Variants in ADAMTS16 observed in about 807,000 individuals in gnomAD.
ADAMTS16 encodes ADAM metallopeptidase with thrombospondin type 1 motif 16.
A neutral mutation model predicts 145.8 loss-of-function variants in ADAMTS16; 94 were observed. That is an observed-to-expected ratio of 0.64 (90% CI 0.55 to 0.77). The LOEUF (loss-of-function observed/expected upper bound fraction) is 0.77, where lower values mean the gene tolerates loss of function less well. ADAMTS16 is among the 30% of genes least tolerant of loss of function. The pLI is 0.00. For synonymous variants in ADAMTS16, 659 were observed against 604.3 expected, an observed-to-expected ratio of 1.09 and a Z score of -1.33; for missense variants, 1,585 against 1,591.5, an observed-to-expected ratio of 1.00 and a Z score of 0.07.
intron 11 of ADAMTS16, among the ~76,000 whole-genome samples, chr5:5,225,216 G>T (rs1736724706): frequency 6.8e-6 from 1 of 147,734 alleles, no homozygotes; most frequent in African/African-American, 2.4e-5. Context: ...TCCAAAGTTG[G>T]GGATGTGCTC....
At chr5:5,309,058 T>G (rs1719729096) in intron 21 of ADAMTS16, among the ~76,000 whole-genome samples, 1 of 152,204 alleles carries the variant, frequency 6.6e-6, no homozygotes, top group South Asian at 2.1e-4. Context: ...TCTATATATT[T>G]ACCAGTGTGC....
intron 18 of ADAMTS16, among the ~76,000 whole-genome samples, chr5:5,264,542 C>T (rs1468441654): frequency 2.0e-5 from 3 of 152,168 alleles, no homozygotes; most frequent in African/African-American, 7.2e-5. Flanking sequence ...GGCACCGTCT[C>T]TTTTTGTAGG....
intron 2 of ADAMTS16, among the ~76,000 whole-genome samples, chr5:5,144,982 T>A (rs990341955): frequency 6.6e-6 from 1 of 152,194 alleles, no homozygotes; most frequent in South Asian, 2.1e-4. Context: ...CATGGAGCTC[T>A]GTCCGTCTCC....
chr5:5,190,254 G>T (rs1735626828), intron 7 of ADAMTS16, 124 bp downstream of exon 7: 7 of 1,028,816 alleles, frequency 6.8e-6, no homozygotes, highest in Non-Finnish European at 9.5e-6. Context: ...TAGTGAAGGT[G>T]TAAAGACTCA....
chr5:5,262,572 A>G, intron 17 of ADAMTS16, 85 bp from the exon 18 acceptor site: 3 of 1,525,854 alleles, frequency 2.0e-6, no homozygotes, highest in Non-Finnish European at 1.8e-6. Flanking sequence ...AGATTCTTTG[A>G]AAGAGATTTT....
At chr5:5,175,459 C>T (rs1363063025) in intron 3 of ADAMTS16, among the ~76,000 whole-genome samples, 1 of 152,138 alleles carries the variant, frequency 6.6e-6, no homozygotes, top group Non-Finnish European at 1.5e-5. Flanking sequence ...GCAAGCTGTG[C>T]TTTCTGAAGC....
At chr5:5,299,263 A>G (rs1027663943) in intron 18 of ADAMTS16, among the ~76,000 whole-genome samples, 5 of 152,224 alleles carry the variant, frequency 3.3e-5, no homozygotes, top group South Asian at 2.1e-4. Context: ...CACTGAAACT[A>G]AATTCTAAAA....
At position 5,318,123 on chromosome 5, in the gene ADAMTS16, T is replaced by G. The variant is rs757974446; in HGVS notation, c.3412-11T>G. On this transcript the variant is annotated splice_polypyrimidine_tract_variant and intron_variant, in intron 21 of 22. Transcript: ENST00000274181. ...TGGGGCCATGGTGACATGTGTGTGT[T>G]GCTCTCACAGTGCACGGCCAGCTGT... is the stretch of plus-strand genomic sequence containing the variant. The G allele has an allele frequency of 4.9e-6, 7 of 1,419,120 alleles. No homozygotes were observed. The East Asian group carries it at 1.6e-4, about 32-fold the overall frequency. The allele number at this position is 1,419,120 out of a possible 1,614,324, so 87.9% of individuals were successfully genotyped here. A position where few individuals can be genotyped will look rare whatever the true frequency, so the allele number is the denominator to read the frequency against.
chr5:5,206,286 C>T (rs556573050), intron 9 of ADAMTS16, among the ~76,000 whole-genome samples: 1,892 of 146,356 alleles, frequency 0.013, 49 homozygotes, highest in African/African-American at 0.044. Context: ...ATTAGCCGGG[C>T]GTAGTGGCGG....
chr5:5,231,504 C>G lies in ADAMTS16; in HGVS notation c.1702-864C>G, dbSNP rs557832706. Among the ~76,000 whole-genome samples the G allele has an allele frequency of 5.3e-5, 8 of 151,774 alleles. No homozygotes were observed. In the South Asian group the frequency reaches 1.7e-3, roughly 32 times the overall value. On this transcript the variant is annotated intron_variant, in intron 11 of 22. Coordinates refer to ENST00000274181, the MANE Select transcript of ADAMTS16 (RefSeq NM_139056.4). ...GATAAAAAGGGACTTGACTTCAGGT[C>G]TCCCCAGCCCACAGACCAAGCTCTT...
chr5:5,173,523 G>A (rs1313699707), intron 3 of ADAMTS16, among the ~76,000 whole-genome samples: 1 of 151,010 alleles, frequency 6.6e-6, no homozygotes, highest in African/African-American at 2.4e-5. Context: ...CCCCAGGCTC[G>A]AGTGCAGTGG....
intron 7 of ADAMTS16, among the ~76,000 whole-genome samples, chr5:5,191,400 C>T (rs1372342266): frequency 2.0e-5 from 3 of 151,986 alleles, no homozygotes; most frequent in Admixed American, 6.5e-5. Flanking sequence ...TAGAGCCTGC[C>T]CCAGGCTCTA....
chr5:5,303,857 C>A, intron 20 of ADAMTS16, 91 bp downstream of exon 20: 1 of 1,401,426 alleles, frequency 7.1e-7, no homozygotes, highest in Non-Finnish European at 9.8e-7. Context: ...TCACTTCTCT[C>A]TCTTCTCCCC....
intron 11 of ADAMTS16, among the ~76,000 whole-genome samples, chr5:5,230,951 A>G (rs1214123733): frequency 6.6e-6 from 1 of 152,244 alleles, no homozygotes; most frequent in Non-Finnish European, 1.5e-5. Context: ...TTGAAATTCC[A>G]TTTTTATGTT....
At chr5:5,315,450 C>A (rs1484101801) in intron 21 of ADAMTS16, among the ~76,000 whole-genome samples, 28 of 147,378 alleles carry the variant, frequency 1.9e-4, no homozygotes, top group South Asian at 4.3e-4. Context: ...TTAAATGATA[C>A]AAAAAAAAAA....
At chr5:5,194,410 T>C (rs910272829) in intron 8 of ADAMTS16, among the ~76,000 whole-genome samples, 1 of 152,224 alleles carries the variant, frequency 6.6e-6, no homozygotes, top group Non-Finnish European at 1.5e-5. Flanking sequence ...CAATTTCACA[T>C]ACAGCTCAAA....
Position 5,319,137 on chromosome 5 carries a change from G to A in ADAMTS16, c.3674G>A (p.Ter1225=), listed in dbSNP as rs760233839. The change falls in exon 23 of 23, where the codon TGA becomes TAA. Residue 1225 remains the stop codon, a stop_retained_variant. Coordinates refer to ENST00000274181, the MANE Select transcript of ADAMTS16 (RefSeq NM_139056.4). The stretch of plus-strand genomic sequence containing the variant: ...AAGACTTGCTCTAAGTCCAACTTGT[G>A]AGTTGGGACCGCTCTCCGTAGCAGA... ...CCKTCSKSNL[*] 3.7e-6 allele frequency: 6 copies of A among 1,605,220 alleles called. No homozygotes were observed. Among genetic ancestry groups the A allele is most frequent in the Non-Finnish European group, 5.1e-6 (6 of 1,174,872 alleles).
At position 5,229,230 on chromosome 5, in the gene ADAMTS16, G is replaced by A. The variant is rs572951878; in HGVS notation, c.1702-3138G>A. 2.1e-4 allele frequency among the ~76,000 whole-genome samples: 31 copies of A among 149,022 alleles called. No homozygotes were observed. The East Asian group carries it at 3.5e-3, about 17-fold the overall frequency. On this transcript the variant is annotated intron_variant, in intron 11 of 22. Transcript: ENST00000274181. ...GGAGAATGGCATGAACCCGGGAAGCGGAGCTTGCAGTGAGCCGAGATTGCG... is the reference window on the plus strand; with the variant it reads ...GGAGAATGGCATGAACCCGGGAAGCAGAGCTTGCAGTGAGCCGAGATTGCG...
At chr5:5,208,956 C>T in intron 9 of ADAMTS16, 137 bp from the exon 10 acceptor site, 6 of 818,276 alleles carry the variant, frequency 7.3e-6, no homozygotes, top group Non-Finnish European at 9.4e-6. Context: ...TATTGTAACT[C>T]AGGAGAAAAA....
Sources: allele counts gnomAD v4.1 joint callset (sites outside exome capture counted in the v4.1 genomes callset), GRCh38; gene constraint gnomAD v4.1.1; transcripts MANE v1.5; gene names NCBI Gene and HGNC (gene_info 2026-07-23, HGNC 2026-07-21).